Variants in FGD5 observed in about 807,000 individuals in gnomAD.
FGD5 encodes the protein FYVE, RhoGEF and PH domain containing 5, also known as FYVE, RhoGEF and PH domain-containing protein 5.
In FGD5, 28 loss-of-function variants were observed where a neutral mutation model predicts 133.4. The observed-to-expected ratio is 0.21, with a 90% CI of 0.16 to 0.29. FGD5 has a LOEUF of 0.29. Among genes scored for constraint, FGD5 ranks in the 10% least tolerant of loss-of-function variants. The probability of loss-of-function intolerance (pLI) is 1.00; values close to 1 mark genes in which losing one functional copy is unlikely to be tolerated. For synonymous variants in FGD5, 810 were observed against 776.5 expected, an observed-to-expected ratio of 1.04 and a Z score of -0.72; for missense variants, 1,858 against 1,895.2, an observed-to-expected ratio of 0.98 and a Z score of 0.36.
chr3:14,879,603 C>G (rs540499594), intron 2 of FGD5, among the ~76,000 whole-genome samples: 159 of 152,354 alleles, frequency 1.0e-3, no homozygotes, highest in African/African-American at 3.7e-3. Flanking sequence ...CTCTTTCAGT[C>G]AACAAAGAGA....
At chr3:14,874,161 A>T (rs2125112402) in intron 2 of FGD5, among the ~76,000 whole-genome samples, 1 of 152,364 alleles carries the variant, frequency 6.6e-6, no homozygotes, top group Non-Finnish European at 1.5e-5. Context: ...GGAGGGCTTG[A>T]TGCTGAATGA....
chr3:14,815,245 G>A (rs985335258), upstream of FGD5, among the ~76,000 whole-genome samples: 2 of 151,842 alleles, frequency 1.3e-5, no homozygotes, highest in Non-Finnish European at 2.9e-5. Flanking sequence ...CGGCCTCTTC[G>A]CTGTTTCTTG....
At chr3:14,869,627 C>T (rs1462720007) in intron 2 of FGD5, among the ~76,000 whole-genome samples, 3 of 152,196 alleles carry the variant, frequency 2.0e-5, no homozygotes, top group East Asian at 1.9e-4. Flanking sequence ...TGGCAGCCAC[C>T]GTTCCACTTC....
Position 14,926,152 on chromosome 3 carries a change from G to T in FGD5, c.4151G>T (p.Trp1384Leu). The T allele has an allele frequency of 6.2e-7, 1 of 1,613,878 alleles. No homozygotes were observed. The highest frequency in any genetic ancestry group is 8.5e-7 in the Non-Finnish European group (1 of 1,179,822). The change falls in exon 18 of 20, where the codon TGG (tryptophan) becomes TTG (leucine). Residue 1384 changes from tryptophan (W) to leucine (L), a missense_variant. Trp to Leu is a moderately conservative substitution (Grantham distance 61). Transcript: ENST00000285046. ...GGCAAGCGGCACTGGAAGAAGCTCTGGTTTGTCATCAAAGGCAAAGTTCTC... is the reference window on the plus strand; with the variant it reads ...GGCAAGCGGCACTGGAAGAAGCTCTTGTTTGTCATCAAAGGCAAAGTTCTC... ...KRGKRHWKKL[W>L]FVIKGKVLYT...
At chr3:14,815,322 G>A (rs926511034), upstream of FGD5, among the ~76,000 whole-genome samples, 1 of 150,920 alleles carries the variant, frequency 6.6e-6, no homozygotes, top group Non-Finnish European at 1.5e-5. Context: ...TCTCAGTGAA[G>A]CCTATGCTGG....
At chr3:14,930,993 C>T (rs1343751697) in intron 18 of FGD5, 1 of 151,994 alleles carries the variant, frequency 6.6e-6, no homozygotes, top group African/African-American at 2.4e-5. Context: ...TTTGCAAGCA[C>T]AAATAGTTCT....
At chr3:14,909,533 C>T (rs936732141) in intron 10 of FGD5, among the ~76,000 whole-genome samples, 4 of 152,224 alleles carry the variant, frequency 2.6e-5, no homozygotes, top group Non-Finnish European at 5.9e-5. Context: ...AATACCATGA[C>T]AGATAACCGA....
At chr3:14,932,932 A>G (rs1016533190) in intron 19 of FGD5, among the ~76,000 whole-genome samples, 199 bp from the exon 20 acceptor site, 1 of 152,230 alleles carries the variant, frequency 6.6e-6, no homozygotes, top group African/African-American at 2.4e-5. Context: ...TCAAGGATGC[A>G]TTGATTCAGT....
At chr3:14,905,365 G>A (rs2038318498) in intron 9 of FGD5, among the ~76,000 whole-genome samples, 1 of 152,066 alleles carries the variant, frequency 6.6e-6, no homozygotes, top group Non-Finnish European at 1.5e-5. Context: ...TGTGTTGTGG[G>A]GGATGGGGTG....
chr3:14,932,870 C>G, intron 19 of FGD5, 139 bp downstream of exon 19: 1 of 1,035,510 alleles, frequency 9.7e-7, no homozygotes, highest in Non-Finnish European at 1.4e-6. Context: ...AACTGCAGAA[C>G]TACCTGTTCT....
chr3:14,925,123 A>C (rs2880481), intron 17 of FGD5, among the ~76,000 whole-genome samples: 22 of 132,900 alleles, frequency 1.7e-4, no homozygotes, highest in African/African-American at 2.6e-4. Flanking sequence ...AAAAAAAAAA[A>C]AAAAACACAT....
At chr3:14,898,920 AC>A in intron 7 of FGD5, 94 bp downstream of exon 7, 1 of 1,123,580 alleles carries the variant, frequency 8.9e-7, no homozygotes, top group Non-Finnish European at 1.3e-6. Flanking sequence ...CTTGCCTCTG[AC>A]CATGTCAGGC....
chr3:14,851,331 A>C (rs1156923712), intron 1 of FGD5, among the ~76,000 whole-genome samples: 1 of 152,246 alleles, frequency 6.6e-6, no homozygotes, highest in African/African-American at 2.4e-5. Context: ...GAGGAAACTG[A>C]GGCAGGCAGG....
intron 4 of FGD5, among the ~76,000 whole-genome samples, chr3:14,889,394 A>G (rs1314526310): frequency 6.6e-6 from 1 of 152,152 alleles, no homozygotes; most frequent in Non-Finnish European, 1.5e-5. Context: ...ACAGTCTGTG[A>G]GATTTAGCCA....
At chr3:14,846,849 T>C (rs1158028513) in intron 1 of FGD5, among the ~76,000 whole-genome samples, 1 of 152,232 alleles carries the variant, frequency 6.6e-6, no homozygotes. Context: ...TGATGAAATA[T>C]GTGGAGGTGT....
At chr3:14,926,329 C>A in intron 18 of FGD5, 131 bp downstream of exon 18, 1 of 1,171,064 alleles carries the variant, frequency 8.5e-7, no homozygotes, top group South Asian at 1.4e-5. Context: ...GCAGTCAAGT[C>A]TTTAGTGAGC....
chr3:14,874,299 A>T (rs1410667948), intron 2 of FGD5, among the ~76,000 whole-genome samples: 1 of 152,102 alleles, frequency 6.6e-6, no homozygotes. Flanking sequence ...CAGGAGGTTC[A>T]CTTGAGGCCA....
chr3:14,905,958 AG>A (rs1184998577), intron 9 of FGD5, among the ~76,000 whole-genome samples: 1 of 152,024 alleles, frequency 6.6e-6, no homozygotes, highest in Non-Finnish European at 1.5e-5. Flanking sequence ...TGTTCACGGT[AG>A]GGTACAGGGC....
chr3:14,839,901 C>A (rs1383071294), intron 1 of FGD5, among the ~76,000 whole-genome samples: 1 of 151,546 alleles, frequency 6.6e-6, no homozygotes, highest in Non-Finnish European at 1.5e-5. Flanking sequence ...CCACTGCATT[C>A]CAGCCTGGGC....
Sources: allele counts gnomAD v4.1 joint callset (sites outside exome capture counted in the v4.1 genomes callset), GRCh38; gene constraint gnomAD v4.1.1; transcripts MANE v1.5; gene names NCBI Gene and HGNC (gene_info 2026-07-23, HGNC 2026-07-21).